DGKB: variants seen among roughly 807,000 people sequenced by gnomAD.
The protein encoded by DGKB is 90 kDa diacylglycerol kinase.
Under a neutral mutation model 114.3 loss-of-function variants are expected in DGKB, and 67 were observed. The ratio of observed to expected loss-of-function variants is 0.59; its 90% CI spans 0.48 to 0.72. DGKB has a LOEUF of 0.72. Among genes scored for constraint, DGKB ranks in the 30% least tolerant of loss-of-function variants. The pLI is 0.00. For missense variants in DGKB, 907 were observed against 975.2 expected, an observed-to-expected ratio of 0.93 and a Z score of 0.93; for synonymous variants, 398 against 323.1, an observed-to-expected ratio of 1.23 and a Z score of -2.49.
In DGKB at chr7:14,269,993, T is replaced by C. The variant is rs189320886; in HGVS notation, c.2122+68522A>G. Among the ~76,000 whole-genome samples, 4 of 146,574 alleles carry C rather than the reference T, an allele frequency of 2.7e-5. No individual in the cohort carries two copies. In the East Asian group the frequency reaches 6.0e-4, roughly 22 times the overall value. On this transcript the variant is annotated intron_variant, in intron 23 of 25. Transcript: ENST00000402815. ...ATTAAAATGTACTGACCTTTCTCAA[T>C]TGAGGGTCATTGATTCCTGTGCCAT... is the stretch of plus-strand genomic sequence containing the variant.
At chr7:14,624,670 G>A (rs1808250980) in intron 14 of DGKB, among the ~76,000 whole-genome samples, 1 of 152,034 alleles carries the variant, frequency 6.6e-6, no homozygotes, top group South Asian at 2.1e-4. Flanking sequence ...TTGGGCAGGA[G>A]ACTAAACAAT....
intron 21 of DGKB, among the ~76,000 whole-genome samples, chr7:14,446,584 A>G (rs1168230204): frequency 6.6e-6 from 1 of 152,160 alleles, no homozygotes; most frequent in African/African-American, 2.4e-5. Context: ...ATGGTAATGT[A>G]CTCAACAAAA....
intron 21 of DGKB, among the ~76,000 whole-genome samples, chr7:14,371,190 T>C (rs1357792750): frequency 1.3e-5 from 2 of 152,148 alleles, no homozygotes; most frequent in South Asian, 2.1e-4. Flanking sequence ...TACCCAGTAA[T>C]GAGATTGCTG....
chr7:14,188,215 T>C (rs1425233127), intron 23 of DGKB, among the ~76,000 whole-genome samples: 1 of 152,168 alleles, frequency 6.6e-6, no homozygotes, highest in Admixed American at 6.5e-5. Context: ...ACAGGACTTA[T>C]GGGACACCAT....
In DGKB at chr7:14,539,351, A is replaced by T. The variant is rs930072830; in HGVS notation, c.1770+34861T>A. Among the ~76,000 whole-genome samples, 2 of 152,234 alleles carry T rather than the reference A, an allele frequency of 1.3e-5. 1 individual carries two copies. The highest frequency in any genetic ancestry group is 3.9e-4 in the East Asian group (2 of 5,178). On this transcript the variant is annotated intron_variant, in intron 20 of 25. Coordinates refer to ENST00000402815, the MANE Select transcript of DGKB (RefSeq NM_001350709.2). ...GGAAAAATAATGAACCAAATCCCAC[A>T]CTGTCATGTTTTCCTTGCACTAATA...
intron 6 of DGKB, among the ~76,000 whole-genome samples, chr7:14,711,872 A>C (rs1827407317): frequency 6.6e-6 from 1 of 152,202 alleles, no homozygotes; most frequent in African/African-American, 2.4e-5. Context: ...CAAGGTAATT[A>C]TGTGAAAGCG....
intron 23 of DGKB, among the ~76,000 whole-genome samples, chr7:14,322,810 C>A (rs972115227): frequency 1.3e-5 from 2 of 152,112 alleles, no homozygotes; most frequent in Non-Finnish European, 2.9e-5. Context: ...TCCAAATGAT[C>A]TGGTCACATA....
At chr7:14,281,699 T>C (rs577468733) in intron 23 of DGKB, among the ~76,000 whole-genome samples, 1 of 152,026 alleles carries the variant, frequency 6.6e-6, no homozygotes, top group South Asian at 2.1e-4. Context: ...AACTCAGGAT[T>C]AAGAATCTCA....
chr7:14,927,934 G>C (rs541187141), intron 1 of DGKB, among the ~76,000 whole-genome samples: 1 of 151,594 alleles, frequency 6.6e-6, no homozygotes, highest in African/African-American at 2.4e-5. Context: ...CTAGTATCTT[G>C]GATGCAATTT....
intron 6 of DGKB, among the ~76,000 whole-genome samples, chr7:14,714,449 A>G (rs771794327): frequency 4.7e-4 from 72 of 152,060 alleles, no homozygotes; most frequent in Non-Finnish European, 8.2e-4. Context: ...AAGGGTTTCA[A>G]TTTTACGCAT....
At chr7:14,392,821 G>C (rs1185979699) in intron 21 of DGKB, among the ~76,000 whole-genome samples, 1 of 151,954 alleles carries the variant, frequency 6.6e-6, no homozygotes, top group African/African-American at 2.4e-5. Flanking sequence ...CGACTGACTA[G>C]AAGACATTTA....
At chr7:14,296,726 A>G (rs1310236530) in intron 23 of DGKB, among the ~76,000 whole-genome samples, 3 of 151,870 alleles carry the variant, frequency 2.0e-5, no homozygotes, top group African/African-American at 7.2e-5. Flanking sequence ...AGAGACACAA[A>G]AAACCTTTAA....
At chr7:14,596,490 G>A (rs1802600788) in intron 17 of DGKB, among the ~76,000 whole-genome samples, 1 of 152,128 alleles carries the variant, frequency 6.6e-6, no homozygotes, top group South Asian at 2.1e-4. Context: ...ACTGAGCAAT[G>A]GGGATATGCC....
chr7:14,660,959 T>G (rs1816938402), intron 13 of DGKB, among the ~76,000 whole-genome samples: 1 of 150,374 alleles, frequency 6.7e-6, no homozygotes, highest in Non-Finnish European at 1.5e-5. Flanking sequence ...GGGGAAAGGA[T>G]TCCCTATTTA....
chr7:14,806,727 T>A (rs17360797), intron 2 of DGKB, among the ~76,000 whole-genome samples: 9,412 of 152,098 alleles, frequency 0.062, 381 homozygotes, highest in South Asian at 0.091. Flanking sequence ...CTATTTGGTA[T>A]TCATAAGCTG....
chr7:14,707,066 C>T (rs534327168), intron 6 of DGKB, among the ~76,000 whole-genome samples: 1 of 149,886 alleles, frequency 6.7e-6, no homozygotes, highest in Admixed American at 6.6e-5. Flanking sequence ...TGACAGACCG[C>T]TAGCAAGACT....
chr7:14,444,984 A>G (rs1439245921), intron 21 of DGKB, among the ~76,000 whole-genome samples: 1 of 151,938 alleles, frequency 6.6e-6, no homozygotes, highest in African/African-American at 2.4e-5. Context: ...TTACTAGTTC[A>G]AAGTGCCATT....
At chr7:14,557,439 AG>A (rs1160806247) in intron 20 of DGKB, among the ~76,000 whole-genome samples, 1 of 152,072 alleles carries the variant, frequency 6.6e-6, no homozygotes, top group Non-Finnish European at 1.5e-5. Context: ...GGGAGAAAAA[AG>A]CTTTGGGCTT....
intron 15 of DGKB, among the ~76,000 whole-genome samples, chr7:14,618,323 T>G (rs1806949168): frequency 6.6e-6 from 1 of 151,616 alleles, no homozygotes. Context: ...GGAAAGACAC[T>G]GGTTCAGTTT....
Sources: allele counts gnomAD v4.1 joint callset (sites outside exome capture counted in the v4.1 genomes callset), GRCh38; gene constraint gnomAD v4.1.1; transcripts MANE v1.5; gene names NCBI Gene and HGNC (gene_info 2026-07-23, HGNC 2026-07-21).